The following NFATC2IP variants were observed in gnomAD, a reference collection of about 807,000 sequenced individuals.
NFATC2IP encodes the protein nuclear factor of activated T cells 2 interacting protein.
A neutral mutation model predicts 40.2 loss-of-function variants in NFATC2IP; 25 were observed. The observed-to-expected ratio is 0.62, with a 90% CI of 0.45 to 0.87. The LOEUF (loss-of-function observed/expected upper bound fraction) is 0.87, where lower values mean the gene tolerates loss of function less well. NFATC2IP is among the 40% of genes least tolerant of loss of function. The probability of loss-of-function intolerance (pLI) is 0.00; values close to 1 mark genes in which losing one functional copy is unlikely to be tolerated. For missense variants in NFATC2IP, 553 were observed against 555.6 expected, an observed-to-expected ratio of 1.00 and a Z score of 0.05; for synonymous variants, 241 against 236.3, an observed-to-expected ratio of 1.02 and a Z score of -0.18.
intron 1 of NFATC2IP, 148 bp downstream of exon 1, chr16:28,951,546 G>A: frequency 2.7e-6 from 2 of 750,830 alleles, no homozygotes; most frequent in South Asian, 4.0e-5. Context: ...TTGGAGGCAG[G>A]GAGAGGCAGG....
rs1428745536 is a variant in NFATC2IP, at chr16:28,964,138, C to T, written c.*275C>T. 1 of 411,046 alleles carries T rather than the reference C, an allele frequency of 2.4e-6. No individual in the cohort carries two copies. Among genetic ancestry groups the T allele is most frequent in the Non-Finnish European group, 4.5e-6 (1 of 223,490 alleles). The allele number at this position is 411,046 out of a possible 1,614,324, so 25.5% of individuals were successfully genotyped here. On this transcript the variant is annotated 3_prime_UTR_variant, in exon 8 of 8. Coordinates refer to ENST00000320805, the MANE Select transcript of NFATC2IP (RefSeq NM_032815.4). ...CTGTGACTTGGAGATGTCCCTTCAC[C>T]CCTCCCCTTTCACCACCATCCTCTT...
At chr16:28,956,516 A>G in intron 5 of NFATC2IP, 179 bp downstream of exon 5, 1 of 580,032 alleles carries the variant, frequency 1.7e-6, no homozygotes. Context: ...CTCTGTCTGC[A>G]TTTTCCCAAC....
chr16:28,956,569 G>T, intron 5 of NFATC2IP: 1 of 544,270 alleles, frequency 1.8e-6, no homozygotes, highest in South Asian at 2.4e-5. Flanking sequence ...ATTCTTCAAG[G>T]CTCCTCATAA....
At chr16:28,963,646 C>T (rs1378843150) in intron 7 of NFATC2IP, 59 bp from the exon 8 acceptor site, 31 of 1,527,540 alleles carry the variant, frequency 2.0e-5, no homozygotes, top group Non-Finnish European at 2.6e-5. Flanking sequence ...TCGTCTATCC[C>T]TACGGGATCC....
In NFATC2IP at chr16:28,952,163, A is replaced by T; in HGVS notation, c.419A>T (p.Asp140Val). 1 of 1,613,828 alleles carries T rather than the reference A, an allele frequency of 6.2e-7. No homozygotes were observed. The highest frequency in any genetic ancestry group is 1.3e-5 in the African/African-American group (1 of 74,966). ...VKSSLRLIPD[D>V]LSLLKLYPPG... ...AGCAGCCTTCGCCTTATCCCAGATG[A>T]TCTATCCCTCCTGAAACTCTACCCT... is the stretch of plus-strand genomic sequence containing the variant. Residue 140 changes from aspartate to valine, a missense_variant, in exon 2 of 8, where the codon GAT becomes GTT. Asp to Val is a radical substitution (Grantham distance 152, BLOSUM62 -3). Coordinates refer to ENST00000320805, the MANE Select transcript of NFATC2IP (RefSeq NM_032815.4).
chr16:28,958,963 C>T (rs942121199), intron 6 of NFATC2IP, 28 bp from the exon 7 acceptor site: 6 of 1,607,110 alleles, frequency 3.7e-6, no homozygotes, highest in East Asian at 2.2e-5. Flanking sequence ...CCCACTTAGC[C>T]CTGGCTTCCT....
intron 2 of NFATC2IP, chr16:28,952,571 C>T: frequency 8.3e-6 from 2 of 242,056 alleles, no homozygotes. Flanking sequence ...CCCACTGATG[C>T]ATTTTTTGCA....
Position 28,950,984 on chromosome 16 carries a change from G to A in NFATC2IP, c.-28G>A, listed in dbSNP as rs376077485. The stretch of plus-strand genomic sequence containing the variant: ...GGGGCGGGGCGAGGCGAGAGGAGGC[G>A]GGCGTGTGTTGTGGAGGAAAGTGTG... On this transcript the variant is annotated 5_prime_UTR_variant, in exon 1 of 8. Transcript: ENST00000320805. 1.4e-5 allele frequency: 21 copies of A among 1,457,738 alleles called. No individual in the cohort carries two copies. In the African/African-American group the frequency reaches 2.8e-4, roughly 19 times the overall value. 90.3% of individuals were successfully genotyped at this position (1,457,738 alleles called of 1,614,324 possible).
chr16:28,958,097 G>A (rs374293491), intron 5 of NFATC2IP, among the ~76,000 whole-genome samples: 10 of 147,086 alleles, frequency 6.8e-5, no homozygotes, highest in African/African-American at 2.3e-4. Context: ...GGTGAAGCCC[G>A]CCTCTACTAA....
At chr16:28,957,182 C>T (rs1055407082) in intron 5 of NFATC2IP, 10 of 151,978 alleles carry the variant, frequency 6.6e-5, no homozygotes, top group African/African-American at 9.7e-5. Context: ...TACAGGTGCC[C>T]GCCACCATGC....
chr16:28,963,409 G>A (rs1327134292), intron 7 of NFATC2IP, among the ~76,000 whole-genome samples: 5 of 152,190 alleles, frequency 3.3e-5, no homozygotes, highest in Admixed American at 3.3e-4. Context: ...GAAGGAGGCT[G>A]AGGCTAGGAG....
At position 28,966,860 on chromosome 16, in the gene NFATC2IP, T is replaced by A. The variant is rs1420988991; in HGVS notation, c.*2997T>A. On this transcript the variant is annotated 3_prime_UTR_variant, in exon 8 of 8. Coordinates refer to ENST00000320805, the MANE Select transcript of NFATC2IP (RefSeq NM_032815.4). The stretch of plus-strand genomic sequence containing the variant: ...AGCCAGTTTTCTCAGTAATGTCTAC[T>A]AAAAAAAAAGCCATTAACCTTTCTC... 1 of 150,834 alleles carries A rather than the reference T, an allele frequency of 6.6e-6. No individual in the cohort carries two copies. Among genetic ancestry groups the A allele is most frequent in the Non-Finnish European group, 1.5e-5 (1 of 67,710 alleles). 9.3% of individuals were successfully genotyped at this position (150,834 alleles called of 1,614,324 possible).
intron 5 of NFATC2IP, chr16:28,956,591 CT>C (rs1233616722): frequency 4.3e-4 from 205 of 473,526 alleles, no homozygotes; most frequent in Non-Finnish European, 5.5e-4. Flanking sequence ...CATCCTGTGT[CT>C]TTTTTTTTCC....
In NFATC2IP at chr16:28,951,234, C is replaced by T. The variant is rs1470455920; in HGVS notation, c.223C>T (p.Pro75Ser). The change falls in exon 1 of 8, where the codon CCC (proline) becomes TCC (serine). Residue 75 changes from proline to serine, a missense_variant. Pro to Ser is a moderately conservative substitution (Grantham distance 74). Coordinates refer to ENST00000320805, the MANE Select transcript of NFATC2IP (RefSeq NM_032815.4). ...RGAADEVEVE[P>S]PEPPGPVASR... ...TGCCGCGGACGAGGTTGAGGTGGAGCCCCCGGAGCCCCCGGGGCCGGTCGC... is the reference window on the plus strand; with the variant it reads ...TGCCGCGGACGAGGTTGAGGTGGAGTCCCCGGAGCCCCCGGGGCCGGTCGC... The T allele has an allele frequency of 6.0e-6, 9 of 1,510,960 alleles. No homozygotes were observed. The highest frequency in any genetic ancestry group is 8.0e-6 in the Non-Finnish European group (9 of 1,124,716). The allele number at this position is 1,510,960 out of a possible 1,614,324, so 93.6% of individuals were successfully genotyped here. A position where few individuals can be genotyped will look rare whatever the true frequency, so the allele number is the denominator to read the frequency against.
chr16:28,955,757 C>A (rs1596728451), intron 3 of NFATC2IP, among the ~76,000 whole-genome samples: 1 of 152,068 alleles, frequency 6.6e-6, no homozygotes, highest in Non-Finnish European at 1.5e-5. Flanking sequence ...TTCTACTATG[C>A]CTGGCTAATT....
At chr16:28,954,498 TTTC>T (rs1964999054) in intron 2 of NFATC2IP, 64 bp from the exon 3 acceptor site, 1 of 1,071,532 alleles carries the variant, frequency 9.3e-7, no homozygotes. Flanking sequence ...CTCTGACTTG[TTTC>T]TTCTTGGCCT....
Position 28,963,951 on chromosome 16 carries a change from G to A in NFATC2IP, c.*88G>A, listed in dbSNP as rs1965116338. 8.1e-7 allele frequency: 1 copy of A among 1,239,854 alleles called. No individual in the cohort carries two copies. Among genetic ancestry groups the A allele is most frequent in the Non-Finnish European group, 1.1e-6 (1 of 876,572 alleles). The allele number at this position is 1,239,854 out of a possible 1,614,324, so 76.8% of individuals were successfully genotyped here. Reference sequence around the variant, plus strand: ...CCCATAAGGGCTAGCATAAGCTGAGGTAGAACTTATCTTTAAGCTGCAGCA... The same window carrying A: ...CCCATAAGGGCTAGCATAAGCTGAGATAGAACTTATCTTTAAGCTGCAGCA... On this transcript the variant is annotated 3_prime_UTR_variant, in exon 8 of 8. Coordinates refer to ENST00000320805, the MANE Select transcript of NFATC2IP (RefSeq NM_032815.4).
intron 3 of NFATC2IP, 127 bp from the exon 4 acceptor site, chr16:28,955,851 A>C (rs1286152409): frequency 2.6e-6 from 2 of 764,814 alleles, no homozygotes; most frequent in Non-Finnish European, 4.4e-6. Flanking sequence ...AGCCTCCAAA[A>C]GTGCTGGGAT....
rs200173331 is a variant in NFATC2IP, at chr16:28,958,993, T to C, written c.994T>C (p.Cys332Arg). Residue 332 changes from cysteine (C) to arginine (R), a missense_variant and splice_region_variant, in exon 7 of 8, where the codon TGT (cysteine) becomes CGT (arginine). By Grantham distance (180) the Cys-to-Arg change is radical. Transcript: ENST00000320805. ...LKLGVADIID[C>R]VVLTSSPEAT... Reference sequence around the variant, plus strand: ...CTTCCTGATTCTGCCTCCCACAGACTGTGTGGTACTAACAAGTTCTCCAGA... The same window carrying C: ...CTTCCTGATTCTGCCTCCCACAGACCGTGTGGTACTAACAAGTTCTCCAGA... The C allele has an allele frequency of 2.5e-5, 40 of 1,612,726 alleles. No individual in the cohort carries two copies. Among genetic ancestry groups the C allele is most frequent in the Non-Finnish European group, 3.3e-5 (39 of 1,178,844 alleles).
Sources: allele counts gnomAD v4.1 joint callset (sites outside exome capture counted in the v4.1 genomes callset), GRCh38; gene constraint gnomAD v4.1.1; transcripts MANE v1.5; gene names NCBI Gene and HGNC (gene_info 2026-07-23, HGNC 2026-07-21).